GSE1: variants seen among roughly 807,000 people sequenced by gnomAD.
GSE1 encodes genetic suppressor element 1.
Under a neutral mutation model 112.6 loss-of-function variants are expected in GSE1, and 32 were observed. The ratio of observed to expected loss-of-function variants is 0.28; its 90% CI spans 0.21 to 0.38. GSE1 has a LOEUF of 0.38. Among genes scored for constraint, GSE1 ranks in the 10% least tolerant of loss-of-function variants. The probability of loss-of-function intolerance (pLI) is 1.00; values close to 1 mark genes in which losing one functional copy is unlikely to be tolerated. For synonymous variants in GSE1, 1,115 were observed against 735.6 expected (o/e 1.52, Z -8.35); for missense variants, 2,348 against 1,699.2 (o/e 1.38, Z -6.71).
intron 2 of GSE1, among the ~76,000 whole-genome samples, chr16:85,474,894 G>GGACA (rs1420506525): frequency 6.6e-6 from 1 of 152,034 alleles, no homozygotes; most frequent in African/African-American, 2.4e-5. Context: ...CTAATTTATT[G>GGACA]GACAGACCCC....
chr16:85,485,075 G>A (rs992811583), intron 2 of GSE1, among the ~76,000 whole-genome samples: 3 of 152,216 alleles, frequency 2.0e-5, no homozygotes, highest in Admixed American at 6.5e-5. Flanking sequence ...CAGATGGTGC[G>A]GTAGGGCCAC....
At chr16:85,654,695 C>A in intron 4 of GSE1, 99 bp from the exon 5 acceptor site, 2 of 824,188 alleles carry the variant, frequency 2.4e-6, no homozygotes, top group South Asian at 1.5e-5. Flanking sequence ...TGGGTGCCGA[C>A]TGAGCGCCAG....
At chr16:85,415,279 T>C (rs980826905) in intron 2 of GSE1, among the ~76,000 whole-genome samples, 1 of 152,240 alleles carries the variant, frequency 6.6e-6, no homozygotes, top group Non-Finnish European at 1.5e-5. Context: ...TTTTCTCATC[T>C]TTTGGGTCCC....
At chr16:85,244,697 A>G (rs947714303) in intron 1 of GSE1, among the ~76,000 whole-genome samples, 5 of 151,892 alleles carry the variant, frequency 3.3e-5, no homozygotes, top group Admixed American at 2.6e-4. Context: ...CCAAAAATAC[A>G]AAATTATCTG....
chr16:85,225,596 G>T (rs987144107), intron 1 of GSE1, among the ~76,000 whole-genome samples: 1 of 152,156 alleles, frequency 6.6e-6, no homozygotes, highest in Non-Finnish European at 1.5e-5. Context: ...GGGCTGGTGC[G>T]GTCACGGTCT....
At chr16:85,569,891 C>T (rs529199742) in intron 1 of GSE1, among the ~76,000 whole-genome samples, 3 of 152,166 alleles carry the variant, frequency 2.0e-5, no homozygotes, top group Admixed American at 6.5e-5. Flanking sequence ...CCCTGGAGAC[C>T]GCCCACCTCT....
intron 2 of GSE1, among the ~76,000 whole-genome samples, chr16:85,451,199 C>G (rs1028535014): frequency 1.3e-5 from 2 of 152,030 alleles, no homozygotes; most frequent in Non-Finnish European, 2.9e-5. Flanking sequence ...AAACCACCAC[C>G]ATAATTTACA....
intron 2 of GSE1, among the ~76,000 whole-genome samples, chr16:85,403,635 A>G (rs1308797580): frequency 1.3e-5 from 2 of 152,062 alleles, no homozygotes; most frequent in African/African-American, 4.8e-5. Flanking sequence ...ACAAAAATAA[A>G]AAAACAAAAT....
At chr16:85,617,538 C>G (rs1476578920) in intron 1 of GSE1, among the ~76,000 whole-genome samples, 1 of 149,570 alleles carries the variant, frequency 6.7e-6, no homozygotes, top group Non-Finnish European at 1.5e-5. Flanking sequence ...GGCTGTACTG[C>G]CAGGCAGTTC....
intron 1 of GSE1, among the ~76,000 whole-genome samples, chr16:85,596,008 TC>T (rs1567628635): frequency 2.2e-5 from 3 of 136,790 alleles, no homozygotes; most frequent in Non-Finnish European, 4.7e-5. Context: ...GCCCACCCAT[TC>T]TCCCATCTGC....
At chr16:85,391,092 C>G (rs775784204) in intron 2 of GSE1, among the ~76,000 whole-genome samples, 17 of 152,142 alleles carry the variant, frequency 1.1e-4, no homozygotes, top group Non-Finnish European at 2.1e-4. Context: ...GCACCGCCCC[C>G]CCACCGCCCC....
intron 2 of GSE1, among the ~76,000 whole-genome samples, chr16:85,404,355 C>T (rs1305535104): frequency 1.7e-5 from 1 of 58,582 alleles, no homozygotes; most frequent in Non-Finnish European, 3.4e-5. Flanking sequence ...CTCACCGTTA[C>T]ACTCAGGGCC....
chr16:85,266,106 C>T (rs760830546), intron 1 of GSE1, among the ~76,000 whole-genome samples: 8 of 152,218 alleles, frequency 5.3e-5, no homozygotes, highest in African/African-American at 1.2e-4. Flanking sequence ...CCAAGGAGCC[C>T]GAGGCTCCCC....
intron 2 of GSE1, 27 bp downstream of exon 2, chr16:85,634,159 G>A (rs562861824): frequency 2.9e-6 from 4 of 1,383,536 alleles, no homozygotes; most frequent in Non-Finnish European, 2.8e-6. Flanking sequence ...GGCTGCGCGT[G>A]GGGGGAGCGG....
upstream of GSE1, among the ~76,000 whole-genome samples, chr16:85,608,795 A>T (rs2047830605): frequency 6.6e-6 from 1 of 152,166 alleles, no homozygotes; most frequent in African/African-American, 2.4e-5. Context: ...GGCACAGGTG[A>T]TCTTTACCTC....
chr16:85,545,021 C>T (rs961624124), intron 2 of GSE1, among the ~76,000 whole-genome samples: 29 of 152,240 alleles, frequency 1.9e-4, no homozygotes, highest in African/African-American at 6.3e-4. Flanking sequence ...CTCCGTGGTG[C>T]CTTCCAACAG....
At chr16:85,617,623 C>A (rs1346948581) in intron 1 of GSE1, among the ~76,000 whole-genome samples, 1 of 122,940 alleles carries the variant, frequency 8.1e-6, no homozygotes, top group Non-Finnish European at 1.6e-5. Context: ...TTAACTGCCA[C>A]GTGCAGCCCA....
At chr16:85,192,979 G>C (rs1355208439) in intron 1 of GSE1, among the ~76,000 whole-genome samples, 1 of 152,224 alleles carries the variant, frequency 6.6e-6, no homozygotes, top group Non-Finnish European at 1.5e-5. Flanking sequence ...ACTAGGGCAG[G>C]AGGGCTGTTG....
At chr16:85,452,312 C>T (rs4783207) in intron 2 of GSE1, among the ~76,000 whole-genome samples, 61,633 of 152,094 alleles carry the variant, frequency 0.41, 14,013 homozygotes, top group Non-Finnish European at 0.51. Flanking sequence ...TGAGCTGGGA[C>T]GTGCCAGTGG....
Sources: allele counts gnomAD v4.1 joint callset (sites outside exome capture counted in the v4.1 genomes callset), GRCh38; gene constraint gnomAD v4.1.1; transcripts MANE v1.5; gene names NCBI Gene and HGNC (gene_info 2026-07-23, HGNC 2026-07-21).